Variants in CYP2C8 observed in about 807,000 individuals in gnomAD.
CYP2C8 encodes the protein cytochrome P450 family 2 subfamily C member 8, also known as cytochrome P450 2C8.
Under a neutral mutation model 41.3 loss-of-function variants are expected in CYP2C8, and 51 were observed. The ratio of observed to expected loss-of-function variants is 1.24; its 90% confidence interval spans 0.99 to 1.56. The LOEUF (loss-of-function observed/expected upper bound fraction) is 1.56, where lower values mean the gene tolerates loss of function less well. Among genes scored for constraint, CYP2C8 ranks in the 40% most tolerant of loss-of-function variants. The probability of loss-of-function intolerance (pLI) is 0.00; values close to 1 mark genes in which losing one functional copy is unlikely to be tolerated. For missense variants in CYP2C8, 651 were observed against 579.9 expected, an observed-to-expected ratio of 1.12 and a Z score of -1.26; for synonymous variants, 218 against 205.8, an observed-to-expected ratio of 1.06 and a Z score of -0.51.
At chr10:95,038,182 T>C (rs1266335595) in intron 8 of CYP2C8, among the ~76,000 whole-genome samples, 1 of 152,188 alleles carries the variant, frequency 6.6e-6, no homozygotes, top group Non-Finnish European at 1.5e-5. Flanking sequence ...TATATGATCA[T>C]GATTGGAAGA....
chr10:95,066,038 T>C (rs1317585166), intron 3 of CYP2C8, among the ~76,000 whole-genome samples: 1 of 151,888 alleles, frequency 6.6e-6, no homozygotes, highest in Non-Finnish European at 1.5e-5. Flanking sequence ...GCCAGACTCC[T>C]TTAAACATTA....
At chr10:95,046,571 T>C (rs971178547) in intron 5 of CYP2C8, among the ~76,000 whole-genome samples, 1 of 152,154 alleles carries the variant, frequency 6.6e-6, no homozygotes, top group Non-Finnish European at 1.5e-5. Context: ...CACTGTTGCA[T>C]TGGGCATTCA....
chr10:95,049,468 G>A (rs186703429), intron 5 of CYP2C8, among the ~76,000 whole-genome samples: 16 of 152,218 alleles, frequency 1.1e-4, no homozygotes, highest in African/African-American at 3.4e-4. Flanking sequence ...AGCAATTATA[G>A]AGCATAAAAT....
At position 95,058,361 on chromosome 10, in the gene CYP2C8, C is replaced by T. The variant is rs551515028; in HGVS notation, c.793G>A (p.Asp265Asn). Residue 265 changes from aspartate to asparagine, a missense_variant, in exon 5 of 9, where the codon GAT (aspartate) becomes AAT (asparagine). By Grantham distance (23) the Asp-to-Asn change is conservative (BLOSUM62 1). Coordinates refer to ENST00000371270, the MANE Select transcript of CYP2C8 (RefSeq NM_000770.3). The part of the protein sequence containing the change: ...LDVNNPRDFI[D>N]CFLIKMEQEK... ...TGCTCCATTTTGATCAGGAAGCAATCGATAAAGTCCCGAGGATTGTTAACA... is the reference window on the plus strand; with the variant it reads ...TGCTCCATTTTGATCAGGAAGCAATTGATAAAGTCCCGAGGATTGTTAACA... The T allele has an allele frequency of 6.2e-6, 10 of 1,613,312 alleles. No individual in the cohort carries two copies. The highest frequency in any genetic ancestry group is 3.3e-5 in the South Asian group (3 of 91,068).
intron 5 of CYP2C8, 80 bp downstream of exon 5, chr10:95,058,255 C>T: frequency 6.3e-7 from 1 of 1,591,250 alleles, no homozygotes; most frequent in Non-Finnish European, 8.6e-7. Flanking sequence ...ATTTAAACAT[C>T]CTTAGTAAAT....
At chr10:95,056,297 G>A (rs1421759914) in intron 5 of CYP2C8, among the ~76,000 whole-genome samples, 2 of 152,124 alleles carry the variant, frequency 1.3e-5, no homozygotes, top group Non-Finnish European at 2.9e-5. Flanking sequence ...AAACATTGCT[G>A]ATGGGATTTT....
intron 5 of CYP2C8, among the ~76,000 whole-genome samples, chr10:95,048,167 C>G (rs2134416707): frequency 6.6e-6 from 1 of 152,280 alleles, no homozygotes; most frequent in East Asian, 1.9e-4. Context: ...TATGAATTGA[C>G]CAATAAGCTC....
At chr10:95,058,243 T>G (rs2033348607) in intron 5 of CYP2C8, 92 bp downstream of exon 5, 1 of 1,565,616 alleles carries the variant, frequency 6.4e-7, no homozygotes, top group African/African-American at 1.4e-5. Context: ...ACTGGCCTGA[T>G]CATTTAAACA....
intron 1 of CYP2C8, 90 bp from the exon 2 acceptor site, chr10:95,067,781 T>G (rs2033603358): frequency 7.5e-7 from 1 of 1,331,672 alleles, no homozygotes; most frequent in East Asian, 2.5e-5. Context: ...CATTGTATTT[T>G]TTAATGTTCA....
chr10:95,054,200 A>C (rs550623716), intron 5 of CYP2C8, among the ~76,000 whole-genome samples: 1 of 152,138 alleles, frequency 6.6e-6, no homozygotes, highest in African/African-American at 2.4e-5. Flanking sequence ...AAAATTAAGG[A>C]TTATGTGCCA....
chr10:95,054,874 A>G (rs1291175379), intron 5 of CYP2C8, among the ~76,000 whole-genome samples: 4 of 152,088 alleles, frequency 2.6e-5, no homozygotes, highest in Non-Finnish European at 2.9e-5. Flanking sequence ...AAACTATGAA[A>G]TGTTGCTTAG....
chr10:95,054,853 T>G (rs367920541), intron 5 of CYP2C8, among the ~76,000 whole-genome samples: 39 of 152,152 alleles, frequency 2.6e-4, no homozygotes, highest in African/African-American at 8.7e-4. Flanking sequence ...ATCAAGAAGA[T>G]AAAAGACTGA....
At chr10:95,048,653 A>C (rs2033155043) in intron 5 of CYP2C8, among the ~76,000 whole-genome samples, 1 of 144,806 alleles carries the variant, frequency 6.9e-6, no homozygotes, top group African/African-American at 2.5e-5. Flanking sequence ...TTTTGCCAGC[A>C]GATGTTGTAA....
intron 7 of CYP2C8, among the ~76,000 whole-genome samples, chr10:95,042,403 TAAAAAA>T (rs35525603): frequency 6.6e-6 from 1 of 151,326 alleles, no homozygotes; most frequent in African/African-American, 2.4e-5. Flanking sequence ...TACAAAGAAA[TAAAAAA>T]AAATTAAAAA....
rs11572122 is a variant in CYP2C8 at position 95,055,436 on chromosome 10, A to C, written c.819+2899T>G. On this transcript the variant is annotated intron_variant, in intron 5 of 8. Transcript: ENST00000371270. ...CAACTGGGTAGCCACATACAAAAGA[A>C]TGAAGTTGAACCCCTATCTCACTCT... Among the ~76,000 whole-genome samples, 548 of 152,340 alleles carry C rather than the reference A, an allele frequency of 3.6e-3. 2 individuals carry two copies. The highest frequency in any genetic ancestry group is 0.013 in the African/African-American group (530 of 41,586).
intron 5 of CYP2C8, among the ~76,000 whole-genome samples, chr10:95,054,725 T>C (rs916951010): frequency 3.3e-5 from 5 of 152,136 alleles, no homozygotes; most frequent in Non-Finnish European, 5.9e-5. Context: ...GGATGTAAGA[T>C]TGGTCCAGAT....
chr10:95,046,682 G>GGA (rs947316342), intron 5 of CYP2C8, among the ~76,000 whole-genome samples: 1 of 149,898 alleles, frequency 6.7e-6, no homozygotes, highest in African/African-American at 2.5e-5. Context: ...GGGGGAGGTA[G>GGA]GATTGACATC....
intron 5 of CYP2C8, among the ~76,000 whole-genome samples, chr10:95,052,023 A>T (rs2033222185): frequency 6.6e-6 from 1 of 152,108 alleles, no homozygotes; most frequent in South Asian, 2.1e-4. Flanking sequence ...ACAAAGCAAA[A>T]AGTTGTTCTT....
chr10:95,065,651 C>A (rs2033546035), intron 3 of CYP2C8, among the ~76,000 whole-genome samples: 1 of 151,926 alleles, frequency 6.6e-6, no homozygotes, highest in Admixed American at 6.6e-5. Flanking sequence ...AATGAATTTC[C>A]TTCCTTTGGA....
Sources: gnomAD v4.1 joint callset for allele counts (sites outside exome capture counted in the v4.1 genomes callset) on GRCh38, gnomAD v4.1.1 for gene constraint, MANE v1.5 for transcripts, NCBI Gene and HGNC (gene_info 2026-07-23, HGNC 2026-07-21) for gene names.